Variants in ARHGAP42 observed in about 807,000 individuals in gnomAD.
The protein encoded by ARHGAP42 is Rho GTPase activating protein 42.
ARHGAP42 carries 63 observed loss-of-function variants against 125.0 expected under a neutral mutation model. That is an observed-to-expected ratio of 0.50 (90% confidence interval 0.41 to 0.62). ARHGAP42 has a LOEUF of 0.62. Among genes scored for constraint, ARHGAP42 ranks in the 20% least tolerant of loss-of-function variants. The pLI is 0.00. For missense variants in ARHGAP42, 766 were observed against 1,024.2 expected, an observed-to-expected ratio of 0.75 and a Z score of 3.44; for synonymous variants, 339 against 351.0, an observed-to-expected ratio of 0.97 and a Z score of 0.38.
At chr11:100,833,974 G>T (rs779521297) in intron 3 of ARHGAP42, among the ~76,000 whole-genome samples, 33 of 151,952 alleles carry the variant, frequency 2.2e-4, no homozygotes, top group Non-Finnish European at 4.6e-4. Flanking sequence ...CTGTTTCAAG[G>T]GATCATACTA....
chr11:100,717,785 A>G (rs1013516806), intron 1 of ARHGAP42, among the ~76,000 whole-genome samples: 15 of 151,950 alleles, frequency 9.9e-5, no homozygotes, highest in Non-Finnish European at 1.6e-4. Flanking sequence ...AATTAACAGG[A>G]CGTGGTGGCA....
chr11:100,835,337 G>C (rs780265737), intron 3 of ARHGAP42, among the ~76,000 whole-genome samples: 1 of 152,180 alleles, frequency 6.6e-6, no homozygotes, highest in East Asian at 1.9e-4. Context: ...CATGCACGTC[G>C]TAATCTCCTA....
chr11:100,703,893 C>T (rs1018503327), intron 1 of ARHGAP42, among the ~76,000 whole-genome samples: 3 of 152,070 alleles, frequency 2.0e-5, no homozygotes, highest in South Asian at 2.1e-4. Context: ...GTTTCTGCAC[C>T]GAAGACAGAC....
chr11:100,861,650 T>C (rs1865447737), intron 4 of ARHGAP42, among the ~76,000 whole-genome samples: 1 of 152,198 alleles, frequency 6.6e-6, no homozygotes, highest in Non-Finnish European at 1.5e-5. Flanking sequence ...TTCGGGAATG[T>C]CCCTCTGGAT....
At chr11:100,921,712 A>C in intron 6 of ARHGAP42, 108 bp downstream of exon 6, 2 of 703,372 alleles carry the variant, frequency 2.8e-6, no homozygotes, top group Non-Finnish European at 4.5e-6. Flanking sequence ...ATGATTGATA[A>C]AAATAAAAGG....
At position 100,993,361 on chromosome 11, in the gene ARHGAP42, T is replaced by C. The variant is rs1858893214; in HGVS notation, c.*4560T>C. The C allele has an allele frequency of 6.0e-6, 1 of 167,082 alleles. No individual in the cohort carries two copies. The highest frequency in any genetic ancestry group is 1.5e-5 in the Non-Finnish European group (1 of 68,130). The allele number at this position is 167,082 out of a possible 1,614,324, so 10.3% of individuals were successfully genotyped here. ...ATATAAAATGCACACTTTTAATCTC[T>C]ATATGGCAGCATTTTTGAGGCTTTA... On this transcript the variant is annotated 3_prime_UTR_variant, in exon 24 of 24. Transcript: ENST00000298815.
At chr11:100,791,744 C>G (rs1479110768) in intron 2 of ARHGAP42, among the ~76,000 whole-genome samples, 2 of 151,220 alleles carry the variant, frequency 1.3e-5, no homozygotes, top group Non-Finnish European at 2.9e-5. Context: ...TCAGAAAACT[C>G]CTGGAGGGAG....
chr11:100,805,858 G>A (rs568826520), intron 3 of ARHGAP42, among the ~76,000 whole-genome samples: 25 of 152,186 alleles, frequency 1.6e-4, no homozygotes, highest in Admixed American at 1.5e-3. Context: ...GATGACCAGA[G>A]GTCCCTTTTG....
chr11:100,719,163 C>T (rs1445322359), intron 1 of ARHGAP42, among the ~76,000 whole-genome samples: 1 of 152,210 alleles, frequency 6.6e-6, no homozygotes. Context: ...TCAGGCACAG[C>T]TAAACGAATT....
intron 4 of ARHGAP42, among the ~76,000 whole-genome samples, chr11:100,907,158 T>A (rs1436236495): frequency 6.6e-6 from 1 of 152,328 alleles, no homozygotes; most frequent in African/African-American, 2.4e-5. Context: ...TCATTCAACT[T>A]TCTAACTCTT....
intron 1 of ARHGAP42, among the ~76,000 whole-genome samples, chr11:100,750,102 G>GCCCCCCA (rs1431990451): frequency 3.0e-4 from 46 of 152,316 alleles, no homozygotes; most frequent in African/African-American, 9.9e-4. Context: ...CCCCCCAGAG[G>GCCCCCCA]GGAATGTAAT....
At position 100,703,651 on chromosome 11, in the gene ARHGAP42, A is replaced by C. The variant is rs113817670; in HGVS notation, c.154+15819A>C. Among the ~76,000 whole-genome samples the C allele has an allele frequency of 5.8e-3, 883 of 152,344 alleles. 7 individuals are homozygous for C. The highest frequency in any genetic ancestry group is 0.02 in the Middle Eastern group (6 of 294). On this transcript the variant is annotated intron_variant, in intron 1 of 23. Coordinates refer to ENST00000298815, the MANE Select transcript of ARHGAP42 (RefSeq NM_152432.4). ...AAAAATAATTATCTATCTTGATTTG[A>C]GAACCAAGAATTAGGTTGCCATTTA...
At chr11:100,713,833 G>A (rs1265854131) in intron 1 of ARHGAP42, among the ~76,000 whole-genome samples, 1 of 152,102 alleles carries the variant, frequency 6.6e-6, no homozygotes, top group Non-Finnish European at 1.5e-5. Context: ...CTCGGATCAA[G>A]CTTATATTTG....
chr11:100,694,470 C>G (rs1279099439), intron 1 of ARHGAP42, among the ~76,000 whole-genome samples: 1 of 152,176 alleles, frequency 6.6e-6, no homozygotes, highest in Non-Finnish European at 1.5e-5. Flanking sequence ...CTTGCGAGAG[C>G]TGTGATTGCC....
At chr11:100,716,383 A>G (rs12273392) in intron 1 of ARHGAP42, among the ~76,000 whole-genome samples, 2 of 152,210 alleles carry the variant, frequency 1.3e-5, no homozygotes, top group Non-Finnish European at 2.9e-5. Flanking sequence ...ATAAGTTAAA[A>G]CCAAAAAACA....
At chr11:100,951,352 G>A (rs990410794) in intron 12 of ARHGAP42, among the ~76,000 whole-genome samples, 7 of 152,116 alleles carry the variant, frequency 4.6e-5, no homozygotes, top group Admixed American at 2.6e-4. Flanking sequence ...TCTAATCACA[G>A]ATACATTAAC....
chr11:100,979,036 G>C lies in ARHGAP42; in HGVS notation c.2443G>C (p.Val815Leu). The C allele has an allele frequency of 6.4e-7, 1 of 1,551,514 alleles. No individual in the cohort carries two copies. The highest frequency in any genetic ancestry group is 8.7e-7 in the Non-Finnish European group (1 of 1,146,820). The change falls in exon 22 of 24, where the codon GTT becomes CTT. Residue 815 changes from valine to leucine, a missense_variant. By Grantham distance (32) the Val-to-Leu change is conservative. Transcript: ENST00000298815. ...TGAAAATGTTGGTTCACCTAAACCA[G>C]TTTCTTCTGGGCGGTAAGTTCTCCA... ...LFENVGSPKP[V>L]SSGRQAKAMY...
chr11:100,806,801 A>C (rs576377642), intron 3 of ARHGAP42, among the ~76,000 whole-genome samples: 117 of 151,586 alleles, frequency 7.7e-4, no homozygotes, highest in African/African-American at 2.7e-3. Context: ...ATAATCATAA[A>C]ATTCATTTTT....
chr11:100,750,090 T>A (rs1862409878), intron 1 of ARHGAP42, among the ~76,000 whole-genome samples: 1 of 152,192 alleles, frequency 6.6e-6, no homozygotes, highest in Non-Finnish European at 1.5e-5. Context: ...AACCAGAGAC[T>A]GCCCCCCAGA....
Sources: gnomAD v4.1 joint callset for allele counts (sites outside exome capture counted in the v4.1 genomes callset) on GRCh38, gnomAD v4.1.1 for gene constraint, MANE v1.5 for transcripts, NCBI Gene and HGNC (gene_info 2026-07-23, HGNC 2026-07-21) for gene names.